The following PRKN variants were observed in gnomAD, a reference collection of about 807,000 sequenced individuals.
PRKN encodes E3 ubiquitin-protein ligase parkin.
A neutral mutation model predicts 59.5 loss-of-function variants in PRKN; 56 were observed. The observed-to-expected ratio is 0.94, with a 90% CI of 0.76 to 1.18. The LOEUF is 1.18. Among genes scored for constraint, PRKN ranks in the 50% most tolerant of loss-of-function variants. The pLI is 0.00. For missense variants in PRKN, 657 were observed against 596.4 expected (o/e 1.10, Z -1.06); for synonymous variants, 250 against 222.1 (o/e 1.13, Z -1.12).
rs1412647114 is a variant in PRKN at position 161,355,100 on chromosome 6, C to T, written c.1286-4889G>A. Among the ~76,000 whole-genome samples the T allele has an allele frequency of 6.6e-6, 1 of 152,246 alleles. No homozygotes were observed. Among genetic ancestry groups the T allele is most frequent in the African/African-American group, 2.4e-5 (1 of 41,472 alleles). Reference sequence around the variant, plus strand: ...TTCTGCATCCTACCTACTGCTTCAGCTGAGGCTCCTGCGTGCGGTGCCTGG... The same window carrying T: ...TTCTGCATCCTACCTACTGCTTCAGTTGAGGCTCCTGCGTGCGGTGCCTGG... On this transcript the variant is annotated intron_variant, in intron 11 of 11. Coordinates refer to ENST00000366898, the MANE Select transcript of PRKN (RefSeq NM_004562.3). The surrounding 1 kb of genome is among the most constrained non-coding windows in gnomAD (Gnocchi z 6.8).
intron 2 of PRKN, among the ~76,000 whole-genome samples, chr6:162,377,889 G>A (rs890854036): frequency 3.3e-5 from 5 of 152,190 alleles, no homozygotes; most frequent in African/African-American, 1.2e-4. Context: ...GGAATTTCAA[G>A]TGAAAGCCAG....
rs76074208 is a variant in PRKN, at chr6:162,507,292, C to T, written c.8-63819G>A. On this transcript the variant is annotated intron_variant, in intron 1 of 11. Coordinates refer to ENST00000366898, the MANE Select transcript of PRKN (RefSeq NM_004562.3). ...AGAGTAACTTCTTTGAAACGCAAAT[C>T]GTATGATTTCACTCCTATGCTTAAA... 7.6e-4 allele frequency among the ~76,000 whole-genome samples: 116 copies of T among 152,182 alleles called. No homozygotes were observed. In the East Asian group the frequency reaches 9.7e-3, roughly 13 times the overall value.
intron 6 of PRKN, among the ~76,000 whole-genome samples, chr6:161,920,700 G>A (rs2128238902): frequency 1.3e-5 from 2 of 151,358 alleles, no homozygotes; most frequent in Admixed American, 6.6e-5. Context: ...TGAGGCAGGA[G>A]AATCGCTTGA....
intron 1 of PRKN, among the ~76,000 whole-genome samples, chr6:162,548,704 G>A (rs1385186632): frequency 6.6e-6 from 1 of 152,158 alleles, no homozygotes; most frequent in Non-Finnish European, 1.5e-5. Context: ...AGCTTGAGCT[G>A]CAATGAGCTC....
chr6:162,500,422 TC>T lies in PRKN; in HGVS notation c.8-56950del, dbSNP rs1358966094. On this transcript the variant is annotated intron_variant, in intron 1 of 11. Transcript: ENST00000366898. ...CCCGACCTCAGGTGATCCACCCGCC[TC>T]AGACTCCTAAAGTGCTGGGATTACA... Among the ~76,000 whole-genome samples the T allele has an allele frequency of 1.0e-3, 115 of 113,736 alleles. 2 individuals are homozygous for T. The highest frequency in any genetic ancestry group is 2.8e-4 in the Non-Finnish European group (14 of 50,160). The allele number at this position is 113,736 out of a possible 152,430, so 74.6% of individuals were successfully genotyped here.
At chr6:162,083,921 G>C (rs1251825954) in intron 4 of PRKN, among the ~76,000 whole-genome samples, 1 of 151,992 alleles carries the variant, frequency 6.6e-6, no homozygotes, top group Non-Finnish European at 1.5e-5. Flanking sequence ...ATTTTTCAAA[G>C]ATTTAATGTT....
chr6:161,764,929 T>C (rs1267227806), intron 7 of PRKN, among the ~76,000 whole-genome samples: 2 of 152,190 alleles, frequency 1.3e-5, no homozygotes, highest in Non-Finnish European at 2.9e-5. Context: ...AAAAAAAAGA[T>C]TCCATTGCTG....
intron 7 of PRKN, among the ~76,000 whole-genome samples, chr6:161,771,367 A>G (rs9458362): frequency 1.2e-5 from 1 of 82,744 alleles, no homozygotes; most frequent in Admixed American, 1.1e-4. Context: ...AAAAAAAAAA[A>G]AAAATAAAAT....
intron 2 of PRKN, chr6:162,274,858 G>A (rs1411639465): frequency 6.6e-6 from 1 of 151,984 alleles, no homozygotes; most frequent in East Asian, 1.9e-4. Flanking sequence ...GAGGCAGGCG[G>A]ATCACAAGGT....
chr6:161,910,408 C>T (rs535758595), intron 6 of PRKN, among the ~76,000 whole-genome samples: 48 of 152,176 alleles, frequency 3.2e-4, no homozygotes, highest in African/African-American at 9.6e-4. Flanking sequence ...GCACCTGCTA[C>T]CACACCCGGC....
chr6:162,593,153 A>G (rs1044762106), intron 1 of PRKN, among the ~76,000 whole-genome samples: 1 of 152,224 alleles, frequency 6.6e-6, no homozygotes, highest in Non-Finnish European at 1.5e-5. Flanking sequence ...ATTAGGAAGT[A>G]TAAGAGCACA....
chr6:161,447,619 G>A lies in PRKN; in HGVS notation c.1084-60742C>T, dbSNP rs763083091. Among the ~76,000 whole-genome samples, 2 of 151,958 alleles carry A rather than the reference G, an allele frequency of 1.3e-5. No individual in the cohort carries two copies. The highest frequency in any genetic ancestry group is 4.8e-5 in the African/African-American group (2 of 41,360). On this transcript the variant is annotated intron_variant, in intron 9 of 11. Coordinates refer to ENST00000366898, the MANE Select transcript of PRKN (RefSeq NM_004562.3). The surrounding 1 kb of genome is among the most constrained non-coding windows in gnomAD (Gnocchi z 4.1). ...AGCGATGCTCCTGCCTCAGCCTCCC[G>A]AGTAGCTGGGACTACAGGCATGCAC...
chr6:162,302,172 C>A (rs1781990256), intron 2 of PRKN, among the ~76,000 whole-genome samples: 1 of 152,102 alleles, frequency 6.6e-6, no homozygotes, highest in South Asian at 2.1e-4. Flanking sequence ...CCCTCTACCA[C>A]TTGAGTAAAG....
At chr6:161,493,585 G>A (rs953064207) in intron 9 of PRKN, among the ~76,000 whole-genome samples, 4 of 152,162 alleles carry the variant, frequency 2.6e-5, no homozygotes, top group Non-Finnish European at 5.9e-5. Flanking sequence ...GCACAGAGTC[G>A]CCTGAATATG....
chr6:161,748,934 A>G (rs949874914), intron 7 of PRKN, among the ~76,000 whole-genome samples: 5 of 152,248 alleles, frequency 3.3e-5, no homozygotes, highest in African/African-American at 1.2e-4. Context: ...TGTATTCCAC[A>G]ACGCATGAAA....
intron 1 of PRKN, among the ~76,000 whole-genome samples, chr6:162,526,084 C>A (rs1422921366): frequency 6.6e-6 from 1 of 152,074 alleles, no homozygotes; most frequent in South Asian, 2.1e-4. Context: ...CTCAAGCGAT[C>A]CGCCTGCCTT....
intron 2 of PRKN, among the ~76,000 whole-genome samples, chr6:162,281,276 G>T (rs1245926293): frequency 1.3e-5 from 2 of 151,992 alleles, no homozygotes; most frequent in Non-Finnish European, 2.9e-5. Flanking sequence ...GGGGGTGGGG[G>T]GCTAGGGAAG....
At chr6:162,572,125 G>T (rs9356050) in intron 1 of PRKN, among the ~76,000 whole-genome samples, 80,567 of 151,884 alleles carry the variant, frequency 0.53, 21,673 homozygotes, top group East Asian at 0.71. Context: ...ACCCCCTTTA[G>T]GTACTGTCTC....
intron 4 of PRKN, among the ~76,000 whole-genome samples, chr6:162,122,756 A>C (rs1261466662): frequency 2.1e-5 from 3 of 144,542 alleles, no homozygotes; most frequent in Non-Finnish European, 1.5e-5. Flanking sequence ...CTATCTATCT[A>C]TCTCTGATAT....
Sources: gnomAD v4.1 joint callset for allele counts (sites outside exome capture counted in the v4.1 genomes callset) on GRCh38, gnomAD v4.1.1 for gene constraint, Gnocchi (gnomAD v3.1) non-coding constraint, MANE v1.5 for transcripts, NCBI Gene and HGNC (gene_info 2026-07-23, HGNC 2026-07-21) for gene names.